SPHKAP: variants seen among roughly 807,000 people sequenced by gnomAD.
SPHKAP encodes A-kinase anchor protein SPHKAP.
Under a neutral mutation model 137.5 loss-of-function variants are expected in SPHKAP, and 67 were observed. The observed-to-expected ratio is 0.49, with a 90% CI of 0.40 to 0.60. The LOEUF is 0.60. SPHKAP is among the 20% of genes least tolerant of loss of function. SPHKAP has a pLI of 0.00. For synonymous variants in SPHKAP, 813 were observed against 785.3 expected (o/e 1.04, Z -0.59); for missense variants, 2,097 against 2,069.3 (o/e 1.01, Z -0.26).
At chr2:228,150,605 T>C (rs1699899107) in intron 1 of SPHKAP, among the ~76,000 whole-genome samples, 1 of 151,690 alleles carries the variant, frequency 6.6e-6, no homozygotes, top group South Asian at 2.1e-4. Context: ...TTGTCTGTAA[T>C]ATCTATAATG....
intron 3 of SPHKAP, among the ~76,000 whole-genome samples, chr2:228,092,138 T>TAC (rs777847722): frequency 1.5e-5 from 2 of 135,578 alleles, no homozygotes; most frequent in African/African-American, 5.6e-5. Flanking sequence ...TATATGTGTG[T>TAC]ACACATATAT....
chr2:227,990,963 C>A (rs938478829), intron 11 of SPHKAP, 37 bp downstream of exon 11: 2 of 1,602,186 alleles, frequency 1.2e-6, no homozygotes, highest in Non-Finnish European at 1.7e-6. Context: ...GATGAAAACA[C>A]AAAGCTTTCT....
chr2:228,152,965 C>G (rs985931846), intron 1 of SPHKAP, among the ~76,000 whole-genome samples: 1 of 152,098 alleles, frequency 6.6e-6, no homozygotes, highest in Non-Finnish European at 1.5e-5. Flanking sequence ...GGAGTTTCCC[C>G]TATAACTGTT....
chr2:228,168,905 C>T lies in SPHKAP; in HGVS notation c.32+12662G>A, dbSNP rs188320855. Among the ~76,000 whole-genome samples the T allele has an allele frequency of 3.1e-4, 47 of 152,136 alleles. 1 individual carries two copies. Among genetic ancestry groups the T allele is most frequent in the South Asian group, 1.2e-3 (6 of 4,818 alleles). ...TAAAAGTGATAATCCAGGGAATATA[C>T]GAATGATAAGAAAAAGAAACAGCCT... On this transcript the variant is annotated intron_variant, in intron 1 of 11. Transcript: ENST00000392056.
chr2:228,018,311 T>C lies in SPHKAP; in HGVS notation c.2543A>G (p.His848Arg). 1 of 1,614,222 alleles carries C rather than the reference T, an allele frequency of 6.2e-7. No individual in the cohort carries two copies. The highest frequency in any genetic ancestry group is 1.1e-5 in the South Asian group (1 of 91,086). The change falls in exon 7 of 12, where the codon CAC (histidine) becomes CGC (arginine). Residue 848 changes from histidine (H) to arginine (R), a missense_variant. His to Arg is a conservative substitution (Grantham distance 29). Coordinates refer to ENST00000392056, the MANE Select transcript of SPHKAP (RefSeq NM_001142644.2). The stretch of plus-strand genomic sequence containing the variant: ...AGAGGCTCTGCATTCATTCTCACTG[T>C]GATGAGGGCTTTTTGTATCCTCTCC... ...IAGEDTKSPH[H>R]SENECRASSE...
chr2:228,104,054 A>G (rs1198352846), intron 3 of SPHKAP, among the ~76,000 whole-genome samples: 1 of 151,906 alleles, frequency 6.6e-6, no homozygotes, highest in Non-Finnish European at 1.5e-5. Context: ...ACTCATTGCA[A>G]TTTTTCAGTA....
chr2:228,002,634 T>G (rs1693952832), intron 7 of SPHKAP, among the ~76,000 whole-genome samples: 2 of 152,234 alleles, frequency 1.3e-5, no homozygotes, highest in Admixed American at 1.3e-4. Context: ...AGACATGAAG[T>G]CCTTGCCCAT....
intron 3 of SPHKAP, among the ~76,000 whole-genome samples, chr2:228,037,562 G>A (rs1016519120): frequency 5.3e-5 from 8 of 152,170 alleles, no homozygotes; most frequent in East Asian, 3.9e-4. Flanking sequence ...AACTATATAC[G>A]AAAGTGACCT....
At chr2:228,095,704 G>C (rs1329748370) in intron 3 of SPHKAP, among the ~76,000 whole-genome samples, 1 of 151,980 alleles carries the variant, frequency 6.6e-6, no homozygotes, top group Non-Finnish European at 1.5e-5. Flanking sequence ...AGGGAGTGAA[G>C]GTCAAGAAAA....
intron 3 of SPHKAP, among the ~76,000 whole-genome samples, chr2:228,103,805 A>G (rs746850450): frequency 6.6e-6 from 1 of 152,216 alleles, no homozygotes; most frequent in Non-Finnish European, 1.5e-5. Flanking sequence ...TACCCCCTGT[A>G]CAATGGGTAC....
intron 3 of SPHKAP, among the ~76,000 whole-genome samples, chr2:228,037,006 G>T (rs997726285): frequency 6.6e-6 from 1 of 151,778 alleles, no homozygotes; most frequent in African/African-American, 2.4e-5. Context: ...CACATTGTGC[G>T]CATGTACCCT....
At chr2:228,048,063 C>T (rs553782599) in intron 3 of SPHKAP, among the ~76,000 whole-genome samples, 4 of 152,092 alleles carry the variant, frequency 2.6e-5, no homozygotes, top group African/African-American at 9.7e-5. Flanking sequence ...CTAAAGACAA[C>T]GAGGAGGAGA....
At chr2:228,174,993 T>A (rs1406942594) in intron 1 of SPHKAP, among the ~76,000 whole-genome samples, 1 of 138,324 alleles carries the variant, frequency 7.2e-6, no homozygotes, top group African/African-American at 2.7e-5. Flanking sequence ...TAAAGATAGG[T>A]CAATACAAAT....
In SPHKAP at chr2:228,070,923, G is replaced by A. The variant is rs77042963; in HGVS notation, c.246+37909C>T. On this transcript the variant is annotated intron_variant, in intron 3 of 11. Coordinates refer to ENST00000392056, the MANE Select transcript of SPHKAP (RefSeq NM_001142644.2). ...ACAAATAGACCACTTTGATTCCTTC[G>A]GTGTTGAACTCATGGGGTTCTGGGT... 2.5e-3 allele frequency among the ~76,000 whole-genome samples: 386 copies of A among 152,164 alleles called. 2 individuals carry two copies. The highest frequency in any genetic ancestry group is 8.0e-3 in the African/African-American group (331 of 41,502).
intron 3 of SPHKAP, among the ~76,000 whole-genome samples, chr2:228,102,616 A>G (rs1474121053): frequency 6.6e-6 from 1 of 152,228 alleles, no homozygotes; most frequent in African/African-American, 2.4e-5. Flanking sequence ...AAACGTATGG[A>G]GTAAGTCTAA....
intron 3 of SPHKAP, among the ~76,000 whole-genome samples, chr2:228,043,148 C>G (rs1380123448): frequency 1.3e-5 from 2 of 152,136 alleles, no homozygotes; most frequent in Admixed American, 1.3e-4. Flanking sequence ...CTGCAGACAA[C>G]AGATCCTTTA....
intron 1 of SPHKAP, among the ~76,000 whole-genome samples, chr2:228,160,474 A>C (rs1421146908): frequency 6.6e-6 from 1 of 152,178 alleles, no homozygotes; most frequent in East Asian, 1.9e-4. Flanking sequence ...TCTTCACATG[A>C]TGGCAGGATG....
At chr2:228,179,639 G>C (rs1700843272) in intron 1 of SPHKAP, among the ~76,000 whole-genome samples, 1 of 152,126 alleles carries the variant, frequency 6.6e-6, no homozygotes, top group South Asian at 2.1e-4. Context: ...TGAATAAAAA[G>C]TCAGGTTCAA....
intron 1 of SPHKAP, among the ~76,000 whole-genome samples, chr2:228,134,411 T>C (rs1574881708): frequency 6.6e-6 from 1 of 152,176 alleles, no homozygotes; most frequent in Non-Finnish European, 1.5e-5. Flanking sequence ...GACTAAAGTG[T>C]GTGGTTCCCT....
Sources: gnomAD v4.1 joint callset for allele counts (sites outside exome capture counted in the v4.1 genomes callset) on GRCh38, gnomAD v4.1.1 for gene constraint, MANE v1.5 for transcripts, NCBI Gene and HGNC (gene_info 2026-07-23, HGNC 2026-07-21) for gene names.